The following AK9 variants were observed in gnomAD, a reference collection of about 807,000 sequenced individuals.
AK9 encodes the protein adenylate kinase domain containing 1.
A neutral mutation model predicts 239.6 loss-of-function variants in AK9; 191 were observed. The observed-to-expected ratio is 0.80, with a 90% confidence interval of 0.71 to 0.90. The LOEUF (loss-of-function observed/expected upper bound fraction) is 0.90, where lower values mean the gene tolerates loss of function less well. Among genes scored for constraint, AK9 ranks in the 40% least tolerant of loss-of-function variants. The pLI, the probability that AK9 is intolerant of heterozygous loss-of-function variation, is 0.00. For missense variants in AK9, 1,995 were observed against 2,214.7 expected, an observed-to-expected ratio of 0.90 and a Z score of 1.99; for synonymous variants, 689 against 721.0, an observed-to-expected ratio of 0.96 and a Z score of 0.71.
At chr6:109,545,794 C>A (rs1413173608) in intron 26 of AK9, 73 bp downstream of exon 26, 49 of 1,508,180 alleles carry the variant, frequency 3.2e-5, no homozygotes, top group Non-Finnish European at 3.7e-5. Context: ...CAGATGGAGA[C>A]CCTGTCTCAA....
chr6:109,688,338 C>T (rs572105806), intron 1 of AK9, among the ~76,000 whole-genome samples: 3 of 152,292 alleles, frequency 2.0e-5, no homozygotes, highest in African/African-American at 7.2e-5. Flanking sequence ...GTGACAAATG[C>T]TCCTAATATG....
chr6:109,508,724 T>C (rs954739263), intron 33 of AK9, among the ~76,000 whole-genome samples: 1 of 152,132 alleles, frequency 6.6e-6, no homozygotes, highest in African/African-American at 2.4e-5. Context: ...ACAGCTCAAG[T>C]GCATAGCTTT....
intron 8 of AK9, among the ~76,000 whole-genome samples, chr6:109,647,262 C>T (rs1160093956): frequency 1.3e-5 from 2 of 152,236 alleles, no homozygotes; most frequent in African/African-American, 4.8e-5. Context: ...TGTAAATGGG[C>T]TAAATGCTCC....
In AK9 at chr6:109,632,237, G is replaced by C; in HGVS notation, c.1254+686C>G. 3 of 985,470 alleles carry C rather than the reference G, an allele frequency of 3.0e-6. 1 individual carries two copies. In the South Asian group the frequency reaches 1.4e-4, roughly 46 times the overall value. 61.0% of individuals were successfully genotyped at this position (985,470 alleles called of 1,614,324 possible). On this transcript the variant is annotated intron_variant, in intron 12 of 40. Transcript: ENST00000424296. ...GCTTAAAAGAATGCAACAGCACTTT[G>C]AACAACTTCTAACACCTTTCTGTGG...
At position 109,564,063 on chromosome 6, in the gene AK9, A is replaced by G; in HGVS notation, c.2635+17T>C. ...TCACCTGCTGTTGATAATAAATGTT[A>G]TGATTAAAGCCCTTACTTTCCATAG... is the stretch of plus-strand genomic sequence containing the variant. On this transcript the variant is annotated intron_variant, in intron 23 of 40. Transcript: ENST00000424296. The G allele has an allele frequency of 6.5e-7, 1 of 1,539,646 alleles. No individual in the cohort carries two copies. The highest frequency in any genetic ancestry group is 1.2e-5 in the South Asian group (1 of 82,258).
At chr6:109,625,526 C>T (rs777813792) in intron 12 of AK9, among the ~76,000 whole-genome samples, 1 of 152,228 alleles carries the variant, frequency 6.6e-6, no homozygotes. Flanking sequence ...AGCTCTGCTT[C>T]TTGTCAGAGC....
chr6:109,530,802 T>G (rs1781132057), intron 28 of AK9, among the ~76,000 whole-genome samples: 1 of 152,106 alleles, frequency 6.6e-6, no homozygotes, highest in African/African-American at 2.4e-5. Context: ...ACACAATTAG[T>G]GTGAGGATGC....
chr6:109,564,563 T>C (rs942558169), intron 22 of AK9, among the ~76,000 whole-genome samples, 193 bp downstream of exon 22: 1 of 137,788 alleles, frequency 7.3e-6, no homozygotes, highest in Non-Finnish European at 1.6e-5. Context: ...AACAAATTTG[T>C]GTAAAAACCA....
At chr6:109,672,200 T>C (rs1176802286) in intron 3 of AK9, 33 bp from the exon 4 acceptor site, 14 of 1,552,972 alleles carry the variant, frequency 9.0e-6, no homozygotes, top group Non-Finnish European at 1.2e-5. Context: ...TAATACAGAC[T>C]GATATTAAGA....
intron 24 of AK9, among the ~76,000 whole-genome samples, chr6:109,554,525 C>CT (rs3060760): frequency 0.016 from 1,240 of 77,330 alleles, 1 homozygote; most frequent in Non-Finnish European, 0.02. Flanking sequence ...TATTTCTTTT[C>CT]TTTTTTTTTT....
At chr6:109,496,794 G>A (rs1413084611) in intron 38 of AK9, among the ~76,000 whole-genome samples, 1 of 152,052 alleles carries the variant, frequency 6.6e-6, no homozygotes, top group Non-Finnish European at 1.5e-5. Flanking sequence ...CTCATCACTG[G>A]TAGTCCAATC....
At chr6:109,499,367 G>A (rs993438096) in intron 35 of AK9, 127 bp from the exon 36 acceptor site, 16 of 679,384 alleles carry the variant, frequency 2.4e-5, no homozygotes, top group Admixed American at 1.3e-4. Context: ...AAACAATAGA[G>A]TAAAAAGTAA....
chr6:109,519,448 T>C (rs754075055), intron 29 of AK9, among the ~76,000 whole-genome samples: 1 of 152,188 alleles, frequency 6.6e-6, no homozygotes. Flanking sequence ...TGTATAAGTA[T>C]TCCCTTTTCT....
chr6:109,591,827 T>A (rs1790281759), intron 17 of AK9, among the ~76,000 whole-genome samples: 1 of 149,394 alleles, frequency 6.7e-6, no homozygotes, highest in Non-Finnish European at 1.5e-5. Context: ...ATAAAATTCT[T>A]GCCTGGCATT....
At chr6:109,666,849 G>A (rs1004665626) in intron 5 of AK9, among the ~76,000 whole-genome samples, 2 of 152,142 alleles carry the variant, frequency 1.3e-5, no homozygotes, top group Non-Finnish European at 2.9e-5. Flanking sequence ...CTCAGACCAG[G>A]CTGATATGAG....
At chr6:109,540,709 T>C (rs1782766881) in intron 27 of AK9, among the ~76,000 whole-genome samples, 1 of 152,200 alleles carries the variant, frequency 6.6e-6, no homozygotes, top group Non-Finnish European at 1.5e-5. Flanking sequence ...CTGGGAGCTG[T>C]AGACTTGAGC....
intron 33 of AK9, among the ~76,000 whole-genome samples, chr6:109,508,831 G>T (rs1352745071): frequency 6.6e-6 from 1 of 152,290 alleles, no homozygotes; most frequent in Middle Eastern, 3.4e-3. Flanking sequence ...CCTGGGGGAT[G>T]GGGGAGGGCC....
intron 17 of AK9, among the ~76,000 whole-genome samples, chr6:109,603,812 G>A (rs1275893388): frequency 6.6e-6 from 1 of 152,184 alleles, no homozygotes; most frequent in Non-Finnish European, 1.5e-5. Flanking sequence ...ATTGCAGTTC[G>A]ATCTCAGACT....
At chr6:109,624,691 G>A (rs1041484442) in intron 12 of AK9, among the ~76,000 whole-genome samples, 2 of 151,720 alleles carry the variant, frequency 1.3e-5, no homozygotes, top group African/African-American at 4.8e-5. Flanking sequence ...CTTCGTGTAG[G>A]TCTTTCTCCA....
Sources: allele counts gnomAD v4.1 joint callset (sites outside exome capture counted in the v4.1 genomes callset), GRCh38; gene constraint gnomAD v4.1.1; transcripts MANE v1.5; gene names NCBI Gene and HGNC (gene_info 2026-07-23, HGNC 2026-07-21).